RARB: variants seen among roughly 807,000 people sequenced by gnomAD.
RARB encodes HBV-activated protein.
In RARB, 17 loss-of-function variants were observed where a neutral mutation model predicts 51.9. The ratio of observed to expected loss-of-function variants is 0.33; its 90% confidence interval spans 0.22 to 0.49. The LOEUF (loss-of-function observed/expected upper bound fraction) is 0.49. RARB is among the 20% of genes least tolerant of loss of function. RARB has a pLI of 0.99. For missense variants in RARB, 369 were observed against 550.8 expected (o/e 0.67, Z 3.30); for synonymous variants, 215 against 195.4 (o/e 1.10, Z -0.84).
At chr3:25,006,937 A>G (rs978261546) in intron 2 of RARB, among the ~76,000 whole-genome samples, 1 of 152,196 alleles carries the variant, frequency 6.6e-6, no homozygotes, top group Non-Finnish European at 1.5e-5. Flanking sequence ...AATATCCTCC[A>G]ATGTAATATT....
At chr3:25,295,482 A>G (rs77558726) in intron 5 of RARB, among the ~76,000 whole-genome samples, 5,803 of 152,294 alleles carry the variant, frequency 0.038, 153 homozygotes, top group Middle Eastern at 0.068. Flanking sequence ...ACTGTGAGCA[A>G]TAATTTTCCA....
intron 5 of RARB, among the ~76,000 whole-genome samples, chr3:25,274,164 AT>A (rs1323997925): frequency 6.6e-6 from 1 of 152,048 alleles, no homozygotes; most frequent in Non-Finnish European, 1.5e-5. Flanking sequence ...TTTCAACAAT[AT>A]GTTTCATTTA....
At chr3:25,165,606 C>T (rs946571633) in intron 4 of RARB, among the ~76,000 whole-genome samples, 6 of 152,100 alleles carry the variant, frequency 3.9e-5, no homozygotes, top group South Asian at 4.1e-4. Flanking sequence ...AACTGTTGTA[C>T]AAGGAGTTGC....
chr3:24,841,124 A>T (rs1332752833), intron 1 of RARB, among the ~76,000 whole-genome samples: 1 of 152,210 alleles, frequency 6.6e-6, no homozygotes, highest in Non-Finnish European at 1.5e-5. Flanking sequence ...AAACACAAAA[A>T]CCATCAATCA....
At chr3:25,421,414 T>G (rs1225197797) in intron 5 of RARB, among the ~76,000 whole-genome samples, 1 of 136,946 alleles carries the variant, frequency 7.3e-6, no homozygotes, top group African/African-American at 2.8e-5. Context: ...TTTTTTTTTT[T>G]TTTTTTTTTT....
At chr3:25,083,337 T>C (rs1352576710) in intron 3 of RARB, among the ~76,000 whole-genome samples, 1 of 152,188 alleles carries the variant, frequency 6.6e-6, no homozygotes, top group African/African-American at 2.4e-5. Flanking sequence ...AGCTCTATTT[T>C]ATTTCCATTT....
In RARB at chr3:25,580,659, T is replaced by C. The variant is rs771660204; in HGVS notation, c.723T>C (p.Gly241=). The C allele has an allele frequency of 1.2e-6, 2 of 1,613,044 alleles. No homozygotes were observed. The highest frequency in any genetic ancestry group is 1.6e-4 in the Middle Eastern group (1 of 6,062). ...TGGAGTTTGCTAAACGTCTGCCTGGTTTCACTGGCTTGACCATCGCAGACC... is the reference window on the plus strand; with the variant it reads ...TGGAGTTTGCTAAACGTCTGCCTGGCTTCACTGGCTTGACCATCGCAGACC... ...KIVEFAKRLP[G]FTGLTIADQI... The change falls in exon 5 of 8, where the codon GGT becomes GGC. Residue 241 remains glycine, a synonymous_variant. Transcript: ENST00000330688.
Position 25,181,836 on chromosome 3 carries a change from T to C in RARB, c.178+7261T>C, listed in dbSNP as rs964609933. On this transcript the variant is annotated intron_variant, in intron 5 of 11. Transcript: ENST00000383772. Reference sequence around the variant, plus strand: ...AGTCATTCATCATTTTATAAAATCATGTCACCGATGGCAGTGCTGTTCTCG... The same window carrying C: ...AGTCATTCATCATTTTATAAAATCACGTCACCGATGGCAGTGCTGTTCTCG... Among the ~76,000 whole-genome samples, 4 of 152,142 alleles carry C rather than the reference T, an allele frequency of 2.6e-5. 1 individual carries two copies. The South Asian group carries it at 6.2e-4, about 24-fold the overall frequency.
At chr3:25,232,250 G>T (rs1350453627) in intron 5 of RARB, among the ~76,000 whole-genome samples, 1 of 152,040 alleles carries the variant, frequency 6.6e-6, no homozygotes, top group Non-Finnish European at 1.5e-5. Flanking sequence ...TATGAGTCTT[G>T]AAATCAGATA....
intron 5 of RARB, among the ~76,000 whole-genome samples, chr3:25,184,248 C>T (rs937259841): frequency 6.6e-6 from 1 of 151,770 alleles, no homozygotes; most frequent in Non-Finnish European, 1.5e-5. Context: ...AGATCCTTTG[C>T]CAAATGCCCA....
At chr3:25,134,340 C>T (rs976834738) in intron 4 of RARB, among the ~76,000 whole-genome samples, 2 of 151,946 alleles carry the variant, frequency 1.3e-5, no homozygotes, top group African/African-American at 4.8e-5. Flanking sequence ...AGTGAAGACA[C>T]AGGTTCTAGA....
At chr3:25,449,707 C>T (rs562995001) in intron 1 of RARB, among the ~76,000 whole-genome samples, 2 of 151,918 alleles carry the variant, frequency 1.3e-5, no homozygotes, top group Non-Finnish European at 2.9e-5. Flanking sequence ...TTCTTCTTGC[C>T]TGTCAAAAAG....
intron 2 of RARB, among the ~76,000 whole-genome samples, chr3:24,965,525 G>A (rs907106829): frequency 1.3e-5 from 2 of 152,120 alleles, no homozygotes; most frequent in Non-Finnish European, 2.9e-5. Context: ...TTATGACCAT[G>A]AGGCACATGG....
intron 2 of RARB, among the ~76,000 whole-genome samples, chr3:24,874,700 T>TC (rs1369674762): frequency 2.6e-5 from 4 of 152,062 alleles, no homozygotes; most frequent in Non-Finnish European, 4.4e-5. Flanking sequence ...TTCTTTTTTT[T>TC]CTGAGTAAAT....
At chr3:24,890,453 C>T (rs181014887) in intron 2 of RARB, among the ~76,000 whole-genome samples, 50 of 152,244 alleles carry the variant, frequency 3.3e-4, no homozygotes, top group Admixed American at 2.7e-3. Context: ...ACCGTGAAGA[C>T]GTATGACTTT....
Position 25,092,434 on chromosome 3 carries a change from T to G in RARB, c.-328+32258T>G, listed in dbSNP as rs150069008. 6.0e-3 allele frequency among the ~76,000 whole-genome samples: 908 copies of G among 152,262 alleles called. 7 individuals are homozygous for G. The highest frequency in any genetic ancestry group is 0.02 in the African/African-American group (824 of 41,564). On this transcript the variant is annotated intron_variant, in intron 3 of 11. Transcript: ENST00000383772. ...TATTCTGCTAATTTGTAAGTAGGGA[T>G]TCCTCAAGATTTTAGAGGAAATTGA...
At chr3:24,853,248 C>T (rs1201241839) in intron 1 of RARB, among the ~76,000 whole-genome samples, 1 of 151,874 alleles carries the variant, frequency 6.6e-6, no homozygotes, top group Non-Finnish European at 1.5e-5. Flanking sequence ...ACCCGGGAGG[C>T]GGAGCTTGCA....
intron 5 of RARB, among the ~76,000 whole-genome samples, chr3:25,373,459 C>T (rs1333816469): frequency 1.3e-5 from 2 of 152,140 alleles, no homozygotes; most frequent in East Asian, 1.9e-4. Context: ...TTCTGAGACA[C>T]TGCTTTTGTT....
chr3:25,366,052 C>A (rs1706109298), intron 5 of RARB, among the ~76,000 whole-genome samples: 1 of 152,328 alleles, frequency 6.6e-6, no homozygotes, highest in East Asian at 1.9e-4. Context: ...GGACACATTT[C>A]TTCCTACTGA....
Sources: allele counts gnomAD v4.1 joint callset (sites outside exome capture counted in the v4.1 genomes callset), GRCh38; gene constraint gnomAD v4.1.1; transcripts MANE v1.5; gene names NCBI Gene and HGNC (gene_info 2026-07-23, HGNC 2026-07-21).